The following SNTG1 variants were observed in gnomAD, a reference collection of about 807,000 sequenced individuals.
SNTG1 encodes syntrophin gamma 1, also known as gamma-1-syntrophin.
Under a neutral mutation model 74.7 loss-of-function variants are expected in SNTG1, and 39 were observed. The observed-to-expected ratio is 0.52, with a 90% CI of 0.40 to 0.68. SNTG1 has a LOEUF of 0.68. Among genes scored for constraint, SNTG1 ranks in the 30% least tolerant of loss-of-function variants. SNTG1 has a pLI of 0.00. For missense variants in SNTG1, 685 were observed against 609.5 expected (o/e 1.12, Z -1.30); for synonymous variants, 254 against 217.1 (o/e 1.17, Z -1.49).
chr8:50,199,374 C>T (rs916159292), intron 2 of SNTG1, among the ~76,000 whole-genome samples: 10 of 151,926 alleles, frequency 6.6e-5, no homozygotes, highest in Admixed American at 1.3e-4. Context: ...CCCACCACTA[C>T]ACCTGGCTAA....
At chr8:50,115,377 G>A (rs1192226647) in intron 1 of SNTG1, among the ~76,000 whole-genome samples, 1 of 151,726 alleles carries the variant, frequency 6.6e-6, no homozygotes, top group East Asian at 1.9e-4. Flanking sequence ...GATCAGCCTG[G>A]CTAACATGGT....
chr8:50,152,741 C>G (rs1187923046), intron 1 of SNTG1, among the ~76,000 whole-genome samples: 1 of 152,192 alleles, frequency 6.6e-6, no homozygotes, highest in African/African-American at 2.4e-5. Context: ...GGCCCCCACT[C>G]TCTTCTGGCT....
In SNTG1 at chr8:49,998,587, G is replaced by GACACACACACAC. The variant is rs56162374; in HGVS notation, c.-103+86384_-103+86395dup. Among the ~76,000 whole-genome samples the GACACACACACAC allele has an allele frequency of 3.4e-3, 468 of 136,908 alleles. 2 individuals carry two copies. The highest frequency in any genetic ancestry group is 0.01 in the African/African-American group (397 of 38,230). 89.8% of individuals were successfully genotyped at this position (136,908 alleles called of 152,430 possible). A position where few individuals can be genotyped will look rare whatever the true frequency, so the allele number is the denominator to read the frequency against. ...ACTTAAGCATTTTGTTAAAAATTAA[G>GACACACACACAC]ACACACACACACACACACACACACA... On this transcript the variant is annotated intron_variant, in intron 1 of 18. Coordinates refer to ENST00000642720, the MANE Select transcript of SNTG1 (RefSeq NM_018967.5).
chr8:50,232,042 C>T (rs533368927), intron 2 of SNTG1, among the ~76,000 whole-genome samples: 2 of 151,504 alleles, frequency 1.3e-5, no homozygotes, highest in South Asian at 4.1e-4. Flanking sequence ...TATGCAACGT[C>T]TTCCTGAAAA....
At chr8:50,344,122 A>G (rs2091401702) in intron 2 of SNTG1, among the ~76,000 whole-genome samples, 1 of 152,236 alleles carries the variant, frequency 6.6e-6, no homozygotes, top group Non-Finnish European at 1.5e-5. Flanking sequence ...TTGTTTTATT[A>G]GTAATCCATT....
chr8:50,471,843 C>T (rs111260908), intron 8 of SNTG1, among the ~76,000 whole-genome samples: 2,746 of 152,096 alleles, frequency 0.018, 94 homozygotes, highest in African/African-American at 0.063. Flanking sequence ...AAAGTTAGAA[C>T]TAATAAATTT....
chr8:49,972,911 T>C lies in SNTG1; in HGVS notation c.-103+60680T>C, dbSNP rs540617317. Among the ~76,000 whole-genome samples, 7 of 122,038 alleles carry C rather than the reference T, an allele frequency of 5.7e-5. No homozygotes were observed. In the East Asian group the frequency reaches 1.3e-3, roughly 23 times the overall value. 80.1% of individuals were successfully genotyped at this position (122,038 alleles called of 152,430 possible). On this transcript the variant is annotated intron_variant, in intron 1 of 18. Transcript: ENST00000642720. ...AGAAATAGGGACGCTTTTACACTGTTGGTGGGACTGTAAACTAATTCAACC... is the reference window on the plus strand; with the variant it reads ...AGAAATAGGGACGCTTTTACACTGTCGGTGGGACTGTAAACTAATTCAACC...
intron 1 of SNTG1, among the ~76,000 whole-genome samples, chr8:50,031,885 A>G (rs2130759924): frequency 6.6e-6 from 1 of 152,232 alleles, no homozygotes; most frequent in Non-Finnish European, 1.5e-5. Context: ...AATGTGTAGA[A>G]TTTACGTCTT....
At chr8:49,965,004 A>G (rs1811018071) in intron 1 of SNTG1, among the ~76,000 whole-genome samples, 1 of 152,236 alleles carries the variant, frequency 6.6e-6, no homozygotes, top group African/African-American at 2.4e-5. Flanking sequence ...TTAATGGCAT[A>G]CCGAACAGGA....
chr8:50,048,951 A>T (rs1026409355), intron 1 of SNTG1, among the ~76,000 whole-genome samples: 3 of 152,058 alleles, frequency 2.0e-5, no homozygotes, highest in African/African-American at 7.2e-5. Context: ...GCAGGCAAGA[A>T]CTCTGTTATA....
intron 1 of SNTG1, among the ~76,000 whole-genome samples, chr8:49,980,680 A>G (rs1812600027): frequency 1.3e-5 from 2 of 152,000 alleles, no homozygotes; most frequent in African/African-American, 4.8e-5. Context: ...CTTTTATATT[A>G]TACATTATAA....
intron 13 of SNTG1, among the ~76,000 whole-genome samples, chr8:50,655,264 T>C (rs2095172782): frequency 6.6e-6 from 1 of 152,220 alleles, no homozygotes; most frequent in South Asian, 2.1e-4. Flanking sequence ...ACAGTAAATA[T>C]ATATTAAACT....
chr8:50,224,086 A>G (rs1171115166), intron 2 of SNTG1, among the ~76,000 whole-genome samples: 2 of 152,190 alleles, frequency 1.3e-5, no homozygotes, highest in African/African-American at 4.8e-5. Context: ...CCTAAATATT[A>G]TATAATATGC....
chr8:49,926,182 C>T (rs913851341), intron 1 of SNTG1, among the ~76,000 whole-genome samples: 9 of 152,014 alleles, frequency 5.9e-5, no homozygotes, highest in African/African-American at 2.2e-4. Context: ...ATAAACTTCC[C>T]ACACAAGTAT....
chr8:50,355,243 ATAAT>A (rs1457095826), intron 2 of SNTG1, among the ~76,000 whole-genome samples: 2 of 142,330 alleles, frequency 1.4e-5, no homozygotes, highest in African/African-American at 5.4e-5. Context: ...TGGAAATTAA[ATAAT>A]TAATTAATTA....
chr8:50,282,195 C>T (rs193111787), intron 2 of SNTG1, among the ~76,000 whole-genome samples: 2 of 152,268 alleles, frequency 1.3e-5, no homozygotes, highest in East Asian at 3.9e-4. Flanking sequence ...ATAACCTCCC[C>T]TCCAACCGGA....
At chr8:50,755,115 C>G (rs569693550) in intron 18 of SNTG1, among the ~76,000 whole-genome samples, 1 of 151,894 alleles carries the variant, frequency 6.6e-6, no homozygotes, top group South Asian at 2.1e-4. Context: ...CACATCATTA[C>G]CATCCAGAGT....
At chr8:50,509,601 G>A (rs562483037) in intron 9 of SNTG1, among the ~76,000 whole-genome samples, 1 of 152,144 alleles carries the variant, frequency 6.6e-6, no homozygotes, top group African/African-American at 2.4e-5. Context: ...TTGAGCAGTG[G>A]TGTGTAGTTC....
intron 1 of SNTG1, among the ~76,000 whole-genome samples, chr8:49,922,951 T>A (rs1806688309): frequency 6.6e-6 from 1 of 152,154 alleles, no homozygotes; most frequent in Non-Finnish European, 1.5e-5. Flanking sequence ...ATAAATGTAA[T>A]GATTCGTGTC....
Sources: gnomAD v4.1 joint callset for allele counts (sites outside exome capture counted in the v4.1 genomes callset) on GRCh38, gnomAD v4.1.1 for gene constraint, MANE v1.5 for transcripts, NCBI Gene and HGNC (gene_info 2026-07-23, HGNC 2026-07-21) for gene names.